DNAJB6: variants seen among roughly 807,000 people sequenced by gnomAD.
The protein encoded by DNAJB6 is dnaJ homolog subfamily B member 6.
In DNAJB6, 16 loss-of-function variants were observed where a neutral mutation model predicts 42.7. The ratio of observed to expected loss-of-function variants is 0.37; its 90% confidence interval spans 0.25 to 0.57. The LOEUF is 0.57. Among genes scored for constraint, DNAJB6 ranks in the 20% least tolerant of loss-of-function variants. DNAJB6 has a pLI of 0.74. For synonymous variants in DNAJB6, 170 were observed against 163.5 expected, an observed-to-expected ratio of 1.04 and a Z score of -0.30; for missense variants, 347 against 416.8, an observed-to-expected ratio of 0.83 and a Z score of 1.46.
chr7:157,386,006 T>G (rs990811401), intron 8 of DNAJB6: 70 of 998,018 alleles, frequency 7.0e-5, no homozygotes, highest in Non-Finnish European at 8.1e-5. Flanking sequence ...CCACGTAGTG[T>G]CGGCCTGCTG....
chr7:157,359,340 ATTAAC>A (rs1799463102), intron 2 of DNAJB6, among the ~76,000 whole-genome samples: 1 of 152,210 alleles, frequency 6.6e-6, no homozygotes, highest in Non-Finnish European at 1.5e-5. Context: ...TGAAGATAGA[ATTAAC>A]TTTTTTGGGG....
At chr7:157,382,582 A>T (rs1033902439) in intron 6 of DNAJB6, 1 of 389,418 alleles carries the variant, frequency 2.6e-6, no homozygotes, top group Admixed American at 4.6e-5. Flanking sequence ...GTGCTTGGAA[A>T]TCTTCTCCTC....
At chr7:157,343,441 C>T (rs1798521907) in intron 1 of DNAJB6, among the ~76,000 whole-genome samples, 1 of 151,220 alleles carries the variant, frequency 6.6e-6, no homozygotes, top group Non-Finnish European at 1.5e-5. Flanking sequence ...AGGCGTGAGC[C>T]ACCTCACCTG....
chr7:157,390,244 T>G (rs983312624), intron 8 of DNAJB6, among the ~76,000 whole-genome samples: 1 of 152,236 alleles, frequency 6.6e-6, no homozygotes, highest in African/African-American at 2.4e-5. Context: ...CGGCCCAGCC[T>G]GCTGTTGGAG....
chr7:157,375,438 T>C (rs1257367847), intron 5 of DNAJB6, among the ~76,000 whole-genome samples: 1 of 152,206 alleles, frequency 6.6e-6, no homozygotes, highest in Non-Finnish European at 1.5e-5. Context: ...TTTGTAACTT[T>C]TGGGAAACAG....
At chr7:157,402,512 C>T (rs1252817438) in intron 8 of DNAJB6, among the ~76,000 whole-genome samples, 1 of 152,228 alleles carries the variant, frequency 6.6e-6, no homozygotes, top group African/African-American at 2.4e-5. Flanking sequence ...AGTCTGGCGC[C>T]GTCATGCTAT....
At chr7:157,372,612 G>A (rs1270977789) in intron 5 of DNAJB6, among the ~76,000 whole-genome samples, 2 of 152,176 alleles carry the variant, frequency 1.3e-5, no homozygotes, top group Admixed American at 6.5e-5. Flanking sequence ...TAGAACTGAA[G>A]AAGCAAGAGA....
chr7:157,343,368 C>T (rs754957624), intron 1 of DNAJB6, among the ~76,000 whole-genome samples: 3 of 152,116 alleles, frequency 2.0e-5, no homozygotes, highest in Non-Finnish European at 4.4e-5. Context: ...CCATGTTGGC[C>T]GGGCTGGTCT....
intron 1 of DNAJB6, among the ~76,000 whole-genome samples, chr7:157,352,652 T>C (rs1799053313): frequency 6.6e-6 from 1 of 152,108 alleles, no homozygotes. Flanking sequence ...ACTTCCTCAT[T>C]GTGTGAGACC....
At chr7:157,366,052 G>T (rs143340610) in intron 3 of DNAJB6, among the ~76,000 whole-genome samples, 3,271 of 152,202 alleles carry the variant, frequency 0.021, 94 homozygotes, top group African/African-American at 0.07. Context: ...CCGGGTTCCA[G>T]CTATTCTCTT....
At chr7:157,395,533 A>C (rs940329675) in intron 8 of DNAJB6, among the ~76,000 whole-genome samples, 2 of 152,184 alleles carry the variant, frequency 1.3e-5, no homozygotes, top group African/African-American at 2.4e-5. Flanking sequence ...GAAGTCCCTG[A>C]TGGGAAGACA....
intron 8 of DNAJB6, among the ~76,000 whole-genome samples, chr7:157,404,144 T>C (rs995960189): frequency 6.6e-6 from 1 of 152,014 alleles, no homozygotes; most frequent in South Asian, 2.1e-4. Flanking sequence ...TTTTTTCTTT[T>C]TTTTTGTAGA....
rs578031606 is a variant in DNAJB6 at position 157,369,678 on chromosome 7, A to G, written c.346+2195A>G. On this transcript the variant is annotated intron_variant, in intron 5 of 9. Transcript: ENST00000262177. ...ATTAAACAGGCCCCTTCTTAACATT[A>G]TTATTAAACAGGCCTTTCATAACGT... is the stretch of plus-strand genomic sequence containing the variant. 1.3e-4 allele frequency among the ~76,000 whole-genome samples: 19 copies of G among 151,018 alleles called. 1 individual carries two copies. The highest frequency in any genetic ancestry group is 2.5e-4 in the African/African-American group (10 of 40,622).
At chr7:157,415,937 A>G (rs4716474) in intron 9 of DNAJB6, 79 bp from the exon 10 acceptor site, 33,108 of 1,603,746 alleles carry the variant, frequency 0.021, 409 homozygotes, top group Non-Finnish European at 0.024. Context: ...ACATGGGGAG[A>G]TATTTAGAAA....
At chr7:157,401,903 C>G (rs1241348742) in intron 8 of DNAJB6, among the ~76,000 whole-genome samples, 1 of 152,174 alleles carries the variant, frequency 6.6e-6, no homozygotes, top group Non-Finnish European at 1.5e-5. Flanking sequence ...CTCTCTGTTG[C>G]AGAGGCCGGC....
intron 1 of DNAJB6, among the ~76,000 whole-genome samples, chr7:157,348,536 C>T (rs900969416): frequency 1.3e-5 from 2 of 152,196 alleles, no homozygotes; most frequent in Admixed American, 6.6e-5. Context: ...AATAGCTCTC[C>T]TGTCTGCGCT....
chr7:157,409,988 C>G lies in DNAJB6; in HGVS notation c.885C>G (p.Leu295=), dbSNP rs758663546. The G allele has an allele frequency of 9.1e-5, 140 of 1,531,720 alleles. No homozygotes were observed. The East Asian group carries it at 3.4e-3, about 37-fold the overall frequency. The allele number at this position is 1,531,720 out of a possible 1,614,324, so 94.9% of individuals were successfully genotyped here. The change falls in exon 9 of 10, where the codon CTC becomes CTG. Residue 295 remains leucine, a synonymous_variant. Transcript: ENST00000262177. ...RPRAPGPWDP[L]ASAAGLKEGG... is the part of the protein sequence containing the mutation. ...GGGCACCCGGGCCCTGGGACCCCCT[C>G]GCGTCCGCAGCAGGTGTGCAAAGGG...
chr7:157,394,945 G>A (rs1801511927), intron 8 of DNAJB6, among the ~76,000 whole-genome samples: 1 of 152,110 alleles, frequency 6.6e-6, no homozygotes, highest in Non-Finnish European at 1.5e-5. Context: ...GAAAATATTA[G>A]CCTGGCTTGG....
intron 1 of DNAJB6, among the ~76,000 whole-genome samples, chr7:157,338,280 T>G (rs1228621181): frequency 6.6e-6 from 1 of 152,126 alleles, no homozygotes; most frequent in African/African-American, 2.4e-5. Flanking sequence ...TGCAGCCGCC[T>G]TACTCCTCCG....
Sources: allele counts gnomAD v4.1 joint callset (sites outside exome capture counted in the v4.1 genomes callset), GRCh38; gene constraint gnomAD v4.1.1; transcripts MANE v1.5; gene names NCBI Gene and HGNC (gene_info 2026-07-23, HGNC 2026-07-21).